SPAG16: variants seen among roughly 807,000 people sequenced by gnomAD.
The protein encoded by SPAG16 is sperm associated antigen 16.
A neutral mutation model predicts 80.4 loss-of-function variants in SPAG16; 86 were observed. That is an observed-to-expected ratio of 1.07 (90% CI 0.90 to 1.28). The LOEUF (loss-of-function observed/expected upper bound fraction) is 1.28. Ranked by LOEUF, SPAG16 falls within the 50% of genes most tolerant of loss-of-function variation. The probability of loss-of-function intolerance (pLI) is 0.00; values close to 1 mark genes in which losing one functional copy is unlikely to be tolerated. For missense variants in SPAG16, 870 were observed against 765.3 expected (o/e 1.14, Z -1.61); for synonymous variants, 294 against 265.9 (o/e 1.11, Z -1.03).
At chr2:213,772,970 A>G (rs1359090987) in intron 10 of SPAG16, among the ~76,000 whole-genome samples, 2 of 151,676 alleles carry the variant, frequency 1.3e-5, no homozygotes, top group Admixed American at 1.3e-4. Context: ...TATATACAAT[A>G]TGTTCTATTT....
intron 13 of SPAG16, among the ~76,000 whole-genome samples, chr2:214,037,930 T>C (rs2048798136): frequency 6.6e-6 from 1 of 151,288 alleles, no homozygotes; most frequent in Non-Finnish European, 1.5e-5. Flanking sequence ...AGTCTTTCTA[T>C]TTAGCCTTTC....
intron 9 of SPAG16, among the ~76,000 whole-genome samples, chr2:213,458,341 G>A (rs373956769): frequency 5.9e-4 from 90 of 152,064 alleles, no homozygotes; most frequent in African/African-American, 2.0e-3. Context: ...GTCGAGGCAG[G>A]CAGATCAAGA....
At chr2:214,238,903 G>A (rs1323645922) in intron 15 of SPAG16, 1 of 152,060 alleles carries the variant, frequency 6.6e-6, no homozygotes, top group African/African-American at 2.4e-5. Flanking sequence ...TGCCACACTT[G>A]GCTGTTCACC....
Position 214,352,558 on chromosome 2 carries a change from C to CTGTGTGTGTGTGTGTGTGTGTGTGTG in SPAG16, c.1721-57565_1721-57564insGTGTGTGTGTGTGTGTGTGTGTGTGT, listed in dbSNP as rs761835945. Among the ~76,000 whole-genome samples the CTGTGTGTGTGTGTGTGTGTGTGTGTG allele has an allele frequency of 1.1e-3, 154 of 142,514 alleles. 4 individuals carry two copies. Among genetic ancestry groups the CTGTGTGTGTGTGTGTGTGTGTGTGTG allele is most frequent in the African/African-American group, 3.6e-3 (128 of 35,504 alleles). 93.5% of individuals were successfully genotyped at this position (142,514 alleles called of 152,430 possible). ...GCTTTTTGTCCTTGACTTTTTTTCT[C>CTGTGTGTGTGTGTGTGTGTGTGTGTG]TGTGTGTGTGTGTGTGTATGTGTGA... On this transcript the variant is annotated intron_variant, in intron 15 of 15. Coordinates refer to ENST00000331683, the MANE Select transcript of SPAG16 (RefSeq NM_024532.5).
chr2:214,242,132 G>C (rs886469606), intron 15 of SPAG16, among the ~76,000 whole-genome samples: 3 of 152,140 alleles, frequency 2.0e-5, no homozygotes, highest in Non-Finnish European at 4.4e-5. Context: ...AAGGTCACAG[G>C]TCTAATTCTT....
intron 15 of SPAG16, among the ~76,000 whole-genome samples, chr2:214,322,237 AC>A (rs1696145031): frequency 6.6e-6 from 1 of 152,170 alleles, no homozygotes; most frequent in Non-Finnish European, 1.5e-5. Flanking sequence ...ACTCAAATAT[AC>A]CAACATTTCC....
intron 10 of SPAG16, among the ~76,000 whole-genome samples, chr2:213,593,369 T>A (rs2060773957): frequency 6.6e-6 from 1 of 152,208 alleles, no homozygotes; most frequent in Non-Finnish European, 1.5e-5. Flanking sequence ...AATTTTGATT[T>A]GGAAAATGCT....
At chr2:213,330,428 CTTTAAGA>C (rs1253428883) in intron 5 of SPAG16, among the ~76,000 whole-genome samples, 2 of 152,174 alleles carry the variant, frequency 1.3e-5, no homozygotes, top group African/African-American at 2.4e-5. Flanking sequence ...CATTTTGGAG[CTTTAAGA>C]TTTGACTACC....
chr2:213,389,877 T>G (rs2067650319), intron 9 of SPAG16, among the ~76,000 whole-genome samples: 1 of 152,190 alleles, frequency 6.6e-6, no homozygotes, highest in African/African-American at 2.4e-5. Context: ...CAGTTTGCAC[T>G]TCTGCCTATA....
intron 11 of SPAG16, among the ~76,000 whole-genome samples, chr2:213,871,041 C>A (rs1350420773): frequency 6.6e-6 from 1 of 152,104 alleles, no homozygotes; most frequent in Non-Finnish European, 1.5e-5. Context: ...ATTTTAGGGA[C>A]ATACTCACAA....
chr2:213,673,672 A>G (rs2063912578), intron 10 of SPAG16, among the ~76,000 whole-genome samples: 1 of 152,228 alleles, frequency 6.6e-6, no homozygotes, highest in Non-Finnish European at 1.5e-5. Flanking sequence ...AGTGTTGAAA[A>G]TGGTGCAACA....
chr2:214,027,185 A>G (rs1559707899), intron 13 of SPAG16, among the ~76,000 whole-genome samples: 1 of 151,606 alleles, frequency 6.6e-6, no homozygotes, highest in Non-Finnish European at 1.5e-5. Context: ...CAATTTTTGT[A>G]TGCTATAGAT....
chr2:214,248,315 T>G (rs999338891), intron 15 of SPAG16, among the ~76,000 whole-genome samples: 2 of 107,146 alleles, frequency 1.9e-5, no homozygotes, highest in African/African-American at 3.6e-5. Context: ...TTATTATTAT[T>G]ATTATTATTA....
intron 10 of SPAG16, among the ~76,000 whole-genome samples, chr2:213,761,307 T>C (rs2068644537): frequency 1.3e-5 from 2 of 152,154 alleles, no homozygotes; most frequent in South Asian, 4.1e-4. Context: ...TATAAGTTCT[T>C]AAAGATCTCA....
rs532190000 is a variant in SPAG16, at chr2:213,767,436, A to G, written c.1071-95049A>G. ...TAATCCTAGCACTTTGGGAAGCTGA[A>G]ATGAGAGGATCACTTGAGCCCAGGA... On this transcript the variant is annotated intron_variant, in intron 10 of 15. Transcript: ENST00000331683. Among the ~76,000 whole-genome samples the G allele has an allele frequency of 6.6e-5, 10 of 152,200 alleles. No homozygotes were observed. The South Asian group carries it at 2.1e-3, about 32-fold the overall frequency.
At chr2:213,521,761 G>A (rs16825100) in intron 10 of SPAG16, among the ~76,000 whole-genome samples, 12,029 of 152,212 alleles carry the variant, frequency 0.079, 1,167 homozygotes, top group African/African-American at 0.23. Flanking sequence ...GTCATGTTTG[G>A]AAATGTGTCA....
intron 15 of SPAG16, among the ~76,000 whole-genome samples, chr2:214,237,868 A>G (rs1260118207): frequency 6.6e-6 from 1 of 152,138 alleles, no homozygotes; most frequent in African/African-American, 2.4e-5. Context: ...TGGGTTCTAT[A>G]GATGCAGATT....
At chr2:213,953,322 A>C (rs2043949590) in intron 12 of SPAG16, among the ~76,000 whole-genome samples, 1 of 151,938 alleles carries the variant, frequency 6.6e-6, no homozygotes, top group Non-Finnish European at 1.5e-5. Context: ...GCAGAACAAA[A>C]AATATTTTAA....
chr2:214,201,476 G>T (rs1477375992), intron 15 of SPAG16, among the ~76,000 whole-genome samples: 1 of 152,054 alleles, frequency 6.6e-6, no homozygotes, highest in East Asian at 1.9e-4. Context: ...ACCTACATGT[G>T]GTTTGCATTT....
Sources: allele counts gnomAD v4.1 joint callset (sites outside exome capture counted in the v4.1 genomes callset), GRCh38; gene constraint gnomAD v4.1.1; transcripts MANE v1.5; gene names NCBI Gene and HGNC (gene_info 2026-07-23, HGNC 2026-07-21).